The following ADD1 variants were observed in gnomAD, a reference collection of about 807,000 sequenced individuals.
The protein encoded by ADD1 is alpha-adducin.
ADD1 carries 24 observed loss-of-function variants against 80.5 expected under a neutral mutation model. That is an observed-to-expected ratio of 0.30 (90% CI 0.22 to 0.42). The LOEUF is 0.42. Among genes scored for constraint, ADD1 ranks in the 10% least tolerant of loss-of-function variants. The pLI, the probability that ADD1 is intolerant of heterozygous loss-of-function variation, is 1.00. For missense variants in ADD1, 948 were observed against 1,019.0 expected (o/e 0.93, Z 0.95); for synonymous variants, 373 against 393.8 (o/e 0.95, Z 0.63).
intron 1 of ADD1, among the ~76,000 whole-genome samples, chr4:2,855,678 C>T (rs1727946439): frequency 1.3e-5 from 2 of 151,410 alleles, no homozygotes; most frequent in African/African-American, 4.9e-5. Context: ...TGCTCTGACA[C>T]TCAGACTGGA....
At chr4:2,876,299 A>AATTATTG in intron 2 of ADD1, 189 bp downstream of exon 2, 1 of 487,700 alleles carries the variant, frequency 2.1e-6, no homozygotes. Context: ...TAAATGAAAA[A>AATTATTG]TCTTCAGTGT....
intron 2 of ADD1, chr4:2,876,469 A>C (rs961140384): frequency 1.3e-5 from 2 of 157,032 alleles, no homozygotes; most frequent in African/African-American, 4.8e-5. Context: ...TGGGAGGCCG[A>C]GGTGGGTGGA....
intron 4 of ADD1, among the ~76,000 whole-genome samples, chr4:2,890,187 C>G (rs1311810581): frequency 6.7e-6 from 1 of 148,728 alleles, no homozygotes; most frequent in Non-Finnish European, 1.5e-5. Context: ...GAGTGAGACT[C>G]CGTCTCAAAA....
At chr4:2,871,589 T>C (rs1730465579) in intron 1 of ADD1, among the ~76,000 whole-genome samples, 1 of 152,230 alleles carries the variant, frequency 6.6e-6, no homozygotes, top group Non-Finnish European at 1.5e-5. Flanking sequence ...AGGTGCTTTC[T>C]TCTGAGAGCA....
In ADD1 at chr4:2,862,570, T is replaced by C. The variant is rs1276677465; in HGVS notation, c.-20-13326T>C. On this transcript the variant is annotated intron_variant, in intron 1 of 15. Transcript: ENST00000683351. Reference sequence around the variant, plus strand: ...TCTCTGCCTGGAGTGCCTTTCTGGATATATGGCCACCTGGCCTAGTGCTCT... The same window carrying C: ...TCTCTGCCTGGAGTGCCTTTCTGGACATATGGCCACCTGGCCTAGTGCTCT... 5.3e-5 allele frequency among the ~76,000 whole-genome samples: 8 copies of C among 152,310 alleles called. No individual in the cohort carries two copies. The East Asian group carries it at 5.8e-4, about 11-fold the overall frequency.
At chr4:2,898,662 G>A (rs943315055) in intron 8 of ADD1, 131 bp downstream of exon 8, 4 of 801,620 alleles carry the variant, frequency 5.0e-6, no homozygotes, top group Non-Finnish European at 8.5e-6. Flanking sequence ...ATAAGCTCAT[G>A]GATTTGGGAC....
chr4:2,873,481 C>A (rs539706449), intron 1 of ADD1, among the ~76,000 whole-genome samples: 2 of 152,160 alleles, frequency 1.3e-5, no homozygotes, highest in African/African-American at 4.8e-5. Context: ...AGGAATGGAG[C>A]ATGTATATAC....
chr4:2,899,481 GCAT>G, intron 9 of ADD1, 46 bp downstream of exon 9: 1 of 1,609,028 alleles, frequency 6.2e-7, no homozygotes, highest in South Asian at 1.1e-5. Flanking sequence ...TGTTCTAAAA[GCAT>G]CAGTGTTGGT....
intron 14 of ADD1, among the ~76,000 whole-genome samples, chr4:2,924,445 A>G (rs1406438053): frequency 1.3e-5 from 2 of 152,180 alleles, no homozygotes; most frequent in Non-Finnish European, 2.9e-5. Context: ...GGCTCCCGCC[A>G]GCATCCTCAG....
rs749432775 is a variant in ADD1 at position 2,888,700 on chromosome 4, G to A, written c.510+4034G>A. On this transcript the variant is annotated intron_variant, in intron 4 of 15. Transcript: ENST00000683351. Reference sequence around the variant, plus strand: ...CCCAAAGTGCTAGGGTTATAGGTGTGAGCCACTGCACCCAGCCAATAATGA... The same window carrying A: ...CCCAAAGTGCTAGGGTTATAGGTGTAAGCCACTGCACCCAGCCAATAATGA... 9.5e-4 allele frequency among the ~76,000 whole-genome samples: 145 copies of A among 152,058 alleles called. 2 individuals are homozygous for A. The highest frequency in any genetic ancestry group is 2.0e-4 in the Admixed American group (3 of 15,248).
chr4:2,845,752 G>C (rs1347196593), intron 1 of ADD1, among the ~76,000 whole-genome samples: 2 of 152,170 alleles, frequency 1.3e-5, no homozygotes, highest in Admixed American at 1.3e-4. Context: ...CATAAAAACT[G>C]TTTATTTACA....
chr4:2,929,753 C>T lies in ADD1; in HGVS notation c.*1230C>T, dbSNP rs762201377. Reference sequence around the variant, plus strand: ...CAGCCGAGCGAGAACCAGGCTGCTGCATGGCACTGACCGCCGCTTCCAGCT... The same window carrying T: ...CAGCCGAGCGAGAACCAGGCTGCTGTATGGCACTGACCGCCGCTTCCAGCT... On this transcript the variant is annotated 3_prime_UTR_variant, in exon 16 of 16. Transcript: ENST00000683351. 6 of 152,480 alleles carry T rather than the reference C, an allele frequency of 3.9e-5. No individual in the cohort carries two copies. Among genetic ancestry groups the T allele is most frequent in the Admixed American group, 1.3e-4 (2 of 15,286 alleles). The allele number at this position is 152,480 out of a possible 1,614,324, so 9.4% of individuals were successfully genotyped here. A position where few individuals can be genotyped will look rare whatever the true frequency, so the allele number is the denominator to read the frequency against.
chr4:2,863,915 TAAGAA>T (rs1396292096), intron 1 of ADD1, among the ~76,000 whole-genome samples: 1 of 152,088 alleles, frequency 6.6e-6, no homozygotes, highest in Admixed American at 6.6e-5. Context: ...AGAGAAAAGA[TAAGAA>T]AGAAAAGATT....
intron 1 of ADD1, among the ~76,000 whole-genome samples, chr4:2,874,809 G>A (rs182452121): frequency 2.0e-5 from 3 of 152,256 alleles, no homozygotes; most frequent in African/African-American, 7.2e-5. Flanking sequence ...CCAAAGTGCG[G>A]TTCAAGTTCA....
At chr4:2,845,048 G>C (rs753522857) in intron 1 of ADD1, among the ~76,000 whole-genome samples, 26 of 152,038 alleles carry the variant, frequency 1.7e-4, no homozygotes, top group Middle Eastern at 3.4e-3. Flanking sequence ...GTAAACTTTG[G>C]AGCCTTGAAT....
Position 2,904,829 on chromosome 4 carries a change from T to G in ADD1, c.1227T>G (p.Asp409Glu), listed in dbSNP as rs751088506. ...ALREKSKKYS[D>E]VEVPASVTGY... ...GAGAGAAGTCTAAAAAATACAGCGA[T>G]GTGGAGGTTCCTGCTAGTGTCACAG... The change falls in exon 10 of 16, where the codon GAT (aspartate) becomes GAG (glutamate). Residue 409 changes from aspartate to glutamate, a missense_variant. Coordinates refer to ENST00000683351, the MANE Select transcript of ADD1 (RefSeq NM_001354761.2). The G allele has an allele frequency of 4.3e-6, 7 of 1,614,088 alleles. No individual in the cohort carries two copies. The Admixed American group carries it at 1.0e-4, about 23-fold the overall frequency.
intron 1 of ADD1, among the ~76,000 whole-genome samples, chr4:2,852,178 CTTT>C (rs766678687): frequency 0.043 from 2,502 of 57,722 alleles, 30 homozygotes; most frequent in Non-Finnish European, 0.056. Flanking sequence ...TTCTTTCTTT[CTTT>C]CTTTCTTTCT....
intron 13 of ADD1, among the ~76,000 whole-genome samples, chr4:2,910,336 A>G (rs762847): frequency 0.53 from 80,760 of 151,682 alleles, 22,082 homozygotes; most frequent in African/African-American, 0.65. Flanking sequence ...AAGCAGGTTT[A>G]TAGCAAAGAT....
intron 1 of ADD1, among the ~76,000 whole-genome samples, chr4:2,855,282 C>T (rs1179273634): frequency 6.6e-6 from 1 of 152,076 alleles, no homozygotes; most frequent in Non-Finnish European, 1.5e-5. Flanking sequence ...CCTGTAATTT[C>T]TGTCTTTTAA....
Sources: gnomAD v4.1 joint callset for allele counts (sites outside exome capture counted in the v4.1 genomes callset) on GRCh38, gnomAD v4.1.1 for gene constraint, MANE v1.5 for transcripts, NCBI Gene and HGNC (gene_info 2026-07-23, HGNC 2026-07-21) for gene names.